The following CHST3 variants were observed in gnomAD, a reference collection of about 807,000 sequenced individuals.
The protein encoded by CHST3 is carbohydrate sulfotransferase 3.
A neutral mutation model predicts 35.4 loss-of-function variants in CHST3; 20 were observed. The ratio of observed to expected loss-of-function variants is 0.57; its 90% CI spans 0.40 to 0.82. CHST3 has a LOEUF of 0.82. Among genes scored for constraint, CHST3 ranks in the 40% least tolerant of loss-of-function variants. The pLI, the probability that CHST3 is intolerant of heterozygous loss-of-function variation, is 0.00. For synonymous variants in CHST3, 334 were observed against 295.9 expected, an observed-to-expected ratio of 1.13 and a Z score of -1.32; for missense variants, 693 against 670.1, an observed-to-expected ratio of 1.03 and a Z score of -0.38.
chr10:72,008,565 C>T lies in CHST3; in HGVS notation c.*94C>T, dbSNP rs1589510400. 5 of 1,439,530 alleles carry T rather than the reference C, an allele frequency of 3.5e-6. No homozygotes were observed. Among genetic ancestry groups the T allele is most frequent in the Non-Finnish European group, 3.6e-6 (4 of 1,099,566 alleles). 89.2% of individuals were successfully genotyped at this position (1,439,530 alleles called of 1,614,324 possible). A position where few individuals can be genotyped will look rare whatever the true frequency, so the allele number is the denominator to read the frequency against. On this transcript the variant is annotated 3_prime_UTR_variant, in exon 3 of 3. Coordinates refer to ENST00000373115, the MANE Select transcript of CHST3 (RefSeq NM_004273.5). ...GAGGGCGGGTGCACAGCGCCATGAGCGGGCAGCGCCTCCTGTAGCAGTAGG... is the reference window on the plus strand; with the variant it reads ...GAGGGCGGGTGCACAGCGCCATGAGTGGGCAGCGCCTCCTGTAGCAGTAGG...
intron 1 of CHST3, among the ~76,000 whole-genome samples, chr10:71,997,560 A>G (rs565451443): frequency 1.3e-5 from 2 of 152,150 alleles, no homozygotes; most frequent in African/African-American, 2.4e-5. Context: ...GTGATAATAC[A>G]TTCCTCTTTT....
intron 1 of CHST3, among the ~76,000 whole-genome samples, chr10:71,972,130 G>T (rs879829566): frequency 1.3e-5 from 2 of 152,140 alleles, no homozygotes; most frequent in Admixed American, 1.3e-4. Context: ...GGTGGCTCCG[G>T]TTATTCCCAC....
At chr10:71,968,967 T>C (rs538459250) in intron 1 of CHST3, among the ~76,000 whole-genome samples, 1 of 152,014 alleles carries the variant, frequency 6.6e-6, no homozygotes, top group Non-Finnish European at 1.5e-5. Context: ...CTGTATTTTT[T>C]TCCCCTTTTT....
At chr10:71,981,317 C>T (rs2131745807) in intron 1 of CHST3, among the ~76,000 whole-genome samples, 1 of 152,384 alleles carries the variant, frequency 6.6e-6, no homozygotes, top group East Asian at 1.9e-4. Flanking sequence ...CAGGGACTGT[C>T]AGCCCCCACC....
intron 1 of CHST3, among the ~76,000 whole-genome samples, chr10:71,985,216 T>A (rs569440800): frequency 6.6e-5 from 10 of 152,348 alleles, no homozygotes; most frequent in Non-Finnish European, 1.2e-4. Flanking sequence ...TGCGCAGAGC[T>A]TTTTGGGCCC....
chr10:71,982,257 T>C (rs1839807758), intron 1 of CHST3, among the ~76,000 whole-genome samples: 1 of 152,130 alleles, frequency 6.6e-6, no homozygotes, highest in Admixed American at 6.5e-5. Flanking sequence ...GTCAGAATAA[T>C]GCATGGTGAA....
intron 1 of CHST3, among the ~76,000 whole-genome samples, chr10:71,967,892 G>T (rs1455592867): frequency 6.6e-6 from 1 of 151,972 alleles, no homozygotes; most frequent in East Asian, 1.9e-4. Context: ...TGCGATCTTG[G>T]CTCACTGCAA....
In CHST3 at chr10:71,988,079, T is replaced by C. The variant is rs151210815; in HGVS notation, c.-107-17657T>C. On this transcript the variant is annotated intron_variant, in intron 1 of 2. Coordinates refer to ENST00000373115, the MANE Select transcript of CHST3 (RefSeq NM_004273.5). ...ATGATGCACCCATTGCATGTATACG[T>C]ACATGCACACATTTCTGGTCAAAAG... Among the ~76,000 whole-genome samples the C allele has an allele frequency of 7.0e-4, 106 of 152,314 alleles. 1 individual carries two copies. The East Asian group carries it at 0.017, about 24-fold the overall frequency.
intron 1 of CHST3, among the ~76,000 whole-genome samples, chr10:71,973,902 T>C (rs1278484833): frequency 6.6e-6 from 1 of 152,158 alleles, no homozygotes; most frequent in Non-Finnish European, 1.5e-5. Flanking sequence ...ATGTATAGGA[T>C]ACACGAGGAG....
In CHST3 at chr10:72,007,605, C is replaced by T. The variant is rs1250468405; in HGVS notation, c.574C>T (p.Leu192Phe). ...CTCGGCCCTGGTGTACCGCGACGTG[C>T]TCAAGCAGCTCTTCCTGTGCGACCT... ...AGSALVYRDVLKQLFLCDLYV... is the reference protein window; with the variant it reads ...AGSALVYRDVFKQLFLCDLYV... The change falls in exon 3 of 3, where the codon CTC becomes TTC. Residue 192 changes from leucine to phenylalanine, a missense_variant. Leu to Phe is a conservative substitution (Grantham distance 22, BLOSUM62 0). Transcript: ENST00000373115. The T allele has an allele frequency of 6.2e-7, 1 of 1,609,990 alleles. No individual in the cohort carries two copies. Among genetic ancestry groups the T allele is most frequent in the Non-Finnish European group, 8.5e-7 (1 of 1,179,646 alleles).
intron 1 of CHST3, among the ~76,000 whole-genome samples, chr10:71,995,769 T>C (rs1396606409): frequency 1.3e-5 from 2 of 152,204 alleles, no homozygotes; most frequent in African/African-American, 2.4e-5. Context: ...GGGTGTGGTT[T>C]GTGGCACCCC....
At chr10:71,997,664 G>C (rs1052841085) in intron 1 of CHST3, among the ~76,000 whole-genome samples, 13 of 151,470 alleles carry the variant, frequency 8.6e-5, no homozygotes, top group Non-Finnish European at 2.9e-5. Flanking sequence ...GCAATGTAGA[G>C]AGACCCTGTC....
chr10:72,004,856 G>A (rs920984910), intron 1 of CHST3, among the ~76,000 whole-genome samples: 7 of 152,198 alleles, frequency 4.6e-5, no homozygotes, highest in African/African-American at 1.4e-4. Context: ...GGGGCCAGGC[G>A]TGGTGGCTCG....
At chr10:71,971,735 A>G (rs942371005) in intron 1 of CHST3, among the ~76,000 whole-genome samples, 1 of 152,222 alleles carries the variant, frequency 6.6e-6, no homozygotes, top group African/African-American at 2.4e-5. Flanking sequence ...CACTCCAGCC[A>G]CAGGGCAGGG....
intron 1 of CHST3, 58 bp from the exon 2 acceptor site, chr10:72,005,676 GAC>G: frequency 5.0e-6 from 4 of 797,860 alleles, no homozygotes; most frequent in Non-Finnish European, 8.1e-6. Context: ...CTGGTGGAGA[GAC>G]ATCCTCTGCA....
intron 1 of CHST3, among the ~76,000 whole-genome samples, chr10:71,997,419 T>C (rs1420876799): frequency 6.6e-6 from 1 of 151,472 alleles, no homozygotes; most frequent in Admixed American, 6.6e-5. Flanking sequence ...GGGTGTCACC[T>C]CCCCCTCTAC....
At chr10:72,007,032 C>A in intron 2 of CHST3, 140 bp from the exon 3 acceptor site, 11 of 926,538 alleles carry the variant, frequency 1.2e-5, no homozygotes, top group Non-Finnish European at 1.9e-5. Flanking sequence ...TACTTAAACA[C>A]AAATCCTTGC....
rs1412814128 is a variant in CHST3 at position 72,008,398 on chromosome 10, C to A, written c.1367C>A (p.Ala456Glu). 2.5e-6 allele frequency: 4 copies of A among 1,569,922 alleles called. No homozygotes were observed. Among genetic ancestry groups the A allele is most frequent in the East Asian group, 4.7e-5 (2 of 42,690 alleles). ...PAMRLFGYKLARDAAALTNRS... is the reference protein window; with the variant it reads ...PAMRLFGYKLERDAAALTNRS... ...ATGCGCCTCTTCGGCTACAAACTGG[C>A]GCGGGACGCCGCCGCCCTCACCAAC... The change falls in exon 3 of 3, where the codon GCG (alanine) becomes GAG (glutamate). Residue 456 changes from alanine to glutamate, a missense_variant. Ala to Glu is a moderately radical substitution (Grantham distance 107). Coordinates refer to ENST00000373115, the MANE Select transcript of CHST3 (RefSeq NM_004273.5).
chr10:71,986,930 C>G (rs1839852018), intron 1 of CHST3, among the ~76,000 whole-genome samples: 1 of 152,242 alleles, frequency 6.6e-6, no homozygotes, highest in African/African-American at 2.4e-5. Context: ...ATGCTCACAA[C>G]AACCCTGTGG....
Sources: allele counts gnomAD v4.1 joint callset (sites outside exome capture counted in the v4.1 genomes callset), GRCh38; gene constraint gnomAD v4.1.1; transcripts MANE v1.5; gene names NCBI Gene and HGNC (gene_info 2026-07-23, HGNC 2026-07-21).